DAB2IP: variants seen among roughly 807,000 people sequenced by gnomAD.
The protein encoded by DAB2IP is disabled homolog 2-interacting protein.
Under a neutral mutation model 107.2 loss-of-function variants are expected in DAB2IP, and 28 were observed. The ratio of observed to expected loss-of-function variants is 0.26; its 90% CI spans 0.19 to 0.36. The LOEUF (loss-of-function observed/expected upper bound fraction) is 0.36. DAB2IP is among the 10% of genes least tolerant of loss of function. The pLI, the probability that DAB2IP is intolerant of heterozygous loss-of-function variation, is 1.00. For missense variants in DAB2IP, 1,400 were observed against 1,644.7 expected (o/e 0.85, Z 2.57); for synonymous variants, 755 against 706.4 (o/e 1.07, Z -1.09).
At chr9:121,745,281 C>T (rs555581099) in intron 3 of DAB2IP, among the ~76,000 whole-genome samples, 1 of 152,160 alleles carries the variant, frequency 6.6e-6, no homozygotes, top group African/African-American at 2.4e-5. Flanking sequence ...TTGAGAGCCA[C>T]AGGTGGCTTT....
At chr9:121,681,749 G>A (rs1433226590) in intron 2 of DAB2IP, among the ~76,000 whole-genome samples, 1 of 152,164 alleles carries the variant, frequency 6.6e-6, no homozygotes, top group South Asian at 2.1e-4. Context: ...TTCTGGGCTG[G>A]GTGCTGGGAG....
rs1400049853 is a variant in DAB2IP, at chr9:121,699,495, C to G, written c.362+37C>G. The G allele has an allele frequency of 8.0e-6, 10 of 1,246,558 alleles. No homozygotes were observed. The highest frequency in any genetic ancestry group is 1.0e-5 in the Non-Finnish European group (10 of 993,050). 77.2% of individuals were successfully genotyped at this position (1,246,558 alleles called of 1,614,324 possible). On this transcript the variant is annotated intron_variant, in intron 3 of 15. Coordinates refer to ENST00000408936, the Ensembl canonical transcript of DAB2IP. This position sits in a 1 kb window ranked among gnomAD's most constrained non-coding sequence, Gnocchi z 6.2. Reference sequence around the variant, plus strand: ...GCCGCCGCCCGGTCCCCCGCGCCGCCGCCCCGGGCTGCGCCCCTGAGGACG... The same window carrying G: ...GCCGCCGCCCGGTCCCCCGCGCCGCGGCCCCGGGCTGCGCCCCTGAGGACG...
At chr9:121,771,605 G>C (rs919714158) in intron 11 of DAB2IP, among the ~76,000 whole-genome samples, 8 of 148,488 alleles carry the variant, frequency 5.4e-5, no homozygotes, top group African/African-American at 1.7e-4. Context: ...AGTTTGGAGT[G>C]GGGGGTGCAG....
chr9:121,569,242 A>G (rs1349134965), intron 1 of DAB2IP, among the ~76,000 whole-genome samples: 1 of 152,236 alleles, frequency 6.6e-6, no homozygotes, highest in African/African-American at 2.4e-5. Context: ...TTCTACATTC[A>G]TCAATTTAAC....
intron 3 of DAB2IP, among the ~76,000 whole-genome samples, chr9:121,744,819 A>G (rs906202657): frequency 6.6e-6 from 1 of 152,146 alleles, no homozygotes; most frequent in African/African-American, 2.4e-5. Context: ...CAAACCCTGG[A>G]GGGAGTTGTC....
At position 121,742,698 on chromosome 9, in the gene DAB2IP, C is replaced by G. The variant is rs188417314; in HGVS notation, c.363-14315C>G. The stretch of plus-strand genomic sequence containing the variant: ...CTGGGCTTGGAAGGACGGTTGCCCC[C>G]ATCTGCCTTGGTTCCCTGCACCTGC... On this transcript the variant is annotated intron_variant, in intron 3 of 15. Coordinates refer to ENST00000408936, the Ensembl canonical transcript of DAB2IP. The G allele has an allele frequency of 2.7e-4, 262 of 980,374 alleles. No homozygotes were observed. The African/African-American group carries it at 4.3e-3, about 16-fold the overall frequency. 60.7% of individuals were successfully genotyped at this position (980,374 alleles called of 1,614,324 possible).
intron 1 of DAB2IP, among the ~76,000 whole-genome samples, chr9:121,610,054 GTA>G (rs1375293178): frequency 2.2e-4 from 10 of 45,538 alleles, no homozygotes; most frequent in Non-Finnish European, 3.7e-4. Flanking sequence ...TTGATTTTGT[GTA>G]TGTGTGTGTG....
At chr9:121,764,977 C>T (rs902483216) in intron 8 of DAB2IP, among the ~76,000 whole-genome samples, 4 of 152,208 alleles carry the variant, frequency 2.6e-5, no homozygotes, top group Non-Finnish European at 4.4e-5. Context: ...GTGTTTGCTG[C>T]TCCCCAAGGA....
At chr9:121,756,938 G>A (rs1201460949) in intron 3 of DAB2IP, 75 bp from the exon 4 acceptor site, 18 of 1,601,970 alleles carry the variant, frequency 1.1e-5, no homozygotes, top group Non-Finnish European at 1.5e-5. Flanking sequence ...CACGGCCAGG[G>A]CAGATGGGTG....
intron 1 of DAB2IP, among the ~76,000 whole-genome samples, chr9:121,632,506 C>A (rs1398148338): frequency 6.6e-6 from 1 of 152,144 alleles, no homozygotes; most frequent in Non-Finnish European, 1.5e-5. Context: ...TCCCTGCTGA[C>A]CCTAAGGGCT....
chr9:121,700,616 G>T (rs1157672045), intron 3 of DAB2IP, among the ~76,000 whole-genome samples: 1 of 152,190 alleles, frequency 6.6e-6, no homozygotes, highest in Non-Finnish European at 1.5e-5. Context: ...CTTGGTTCTA[G>T]CGGGCAGAGG....
At chr9:121,778,923 T>C (rs187042003) in intron 14 of DAB2IP, among the ~76,000 whole-genome samples, 22 of 152,252 alleles carry the variant, frequency 1.4e-4, no homozygotes, top group Non-Finnish European at 2.5e-4. Context: ...GTGATGTTCA[T>C]TGGTGTGGTT....
At chr9:121,695,004 G>A (rs577457924) in intron 2 of DAB2IP, among the ~76,000 whole-genome samples, 1 of 152,292 alleles carries the variant, frequency 6.6e-6, no homozygotes, top group South Asian at 2.1e-4. Context: ...CCTGCAGACT[G>A]TGTAGGCTGC....
At position 121,684,897 on chromosome 9, in the gene DAB2IP, C is replaced by G. The variant is rs934659934; in HGVS notation, c.228+6116C>G. 3.3e-5 allele frequency among the ~76,000 whole-genome samples: 5 copies of G among 152,182 alleles called. No individual in the cohort carries two copies. Among genetic ancestry groups the G allele is most frequent in the Non-Finnish European group, 1.5e-5 (1 of 68,034 alleles). On this transcript the variant is annotated intron_variant, in intron 2 of 15. Transcript: ENST00000408936. The surrounding 1 kb of genome is among the most constrained non-coding windows in gnomAD (Gnocchi z 4.0). ...TGGGTCCATCTCAGATGGTCGTTCA[C>G]TTGGGACATATTTATGTTTGTGGCC...
intron 3 of DAB2IP, among the ~76,000 whole-genome samples, chr9:121,729,577 G>A (rs959598333): frequency 6.6e-6 from 1 of 152,200 alleles, no homozygotes; most frequent in African/African-American, 2.4e-5. Flanking sequence ...AGCGGGGTAG[G>A]CCTGGCCTCT....
intron 1 of DAB2IP, among the ~76,000 whole-genome samples, chr9:121,581,262 C>T (rs1830188531): frequency 6.6e-6 from 1 of 152,158 alleles, no homozygotes; most frequent in Non-Finnish European, 1.5e-5. Context: ...TAGTGGGGTT[C>T]CTGGACTGGC....
rs949764533 is a variant in DAB2IP, at chr9:121,776,711, TG to T, written c.3314+326del. Among the ~76,000 whole-genome samples, 1 of 152,004 alleles carries T rather than the reference TG, an allele frequency of 6.6e-6. No individual in the cohort carries two copies. The highest frequency in any genetic ancestry group is 1.5e-5 in the Non-Finnish European group (1 of 68,006). On this transcript the variant is annotated intron_variant, in intron 14 of 15. Coordinates refer to ENST00000408936, the Ensembl canonical transcript of DAB2IP. This position sits in a 1 kb window ranked among gnomAD's most constrained non-coding sequence, Gnocchi z 5.4. ...TCTCAGGGGCGCTGAGAAGCTGGAT[TG>T]GGGGGTGCCAGGAAAGACAGGGAGG...
intron 1 of DAB2IP, among the ~76,000 whole-genome samples, chr9:121,602,331 C>T (rs372862351): frequency 1.3e-5 from 2 of 152,240 alleles, no homozygotes; most frequent in East Asian, 3.9e-4. Context: ...AGACCTGTGG[C>T]ACCCCCAAGA....
chr9:121,722,454 C>A (rs1405280478), intron 3 of DAB2IP, among the ~76,000 whole-genome samples: 3 of 152,154 alleles, frequency 2.0e-5, no homozygotes, highest in African/African-American at 4.8e-5. Flanking sequence ...GCCACTCCCC[C>A]CATGATCCAT....
Sources: allele counts gnomAD v4.1 joint callset (sites outside exome capture counted in the v4.1 genomes callset), GRCh38; gene constraint gnomAD v4.1.1; non-coding constraint Gnocchi (gnomAD v3.1); transcripts MANE v1.5; gene names NCBI Gene and HGNC (gene_info 2026-07-23, HGNC 2026-07-21).